The following SLC26A2 variants were observed in gnomAD, a reference collection of about 807,000 sequenced individuals.
The protein encoded by SLC26A2 is sulfate transporter.
A neutral mutation model predicts 41.1 loss-of-function variants in SLC26A2; 36 were observed. That is an observed-to-expected ratio of 0.88 (90% confidence interval 0.67 to 1.16). The LOEUF is 1.16. Ranked by LOEUF, SLC26A2 falls within the 50% of genes most tolerant of loss-of-function variation. The pLI is 0.00. For synonymous variants in SLC26A2, 291 were observed against 311.6 expected, an observed-to-expected ratio of 0.93 and a Z score of 0.70; for missense variants, 796 against 869.6, an observed-to-expected ratio of 0.92 and a Z score of 1.07.
chr5:149,977,505 A>G (rs761525414), intron 1 of SLC26A2, 123 bp from the exon 2 acceptor site: 5 of 686,882 alleles, frequency 7.3e-6, no homozygotes, highest in Non-Finnish European at 1.3e-5. Flanking sequence ...GAAAAGGGAC[A>G]TAAGATACCT....
rs1177895820 is a variant in SLC26A2, at chr5:149,980,487, T to C, written c.894T>C (p.His298=). Residue 298 remains histidine (H), a synonymous_variant, in exon 3 of 3, where the codon CAT becomes CAC. Transcript: ENST00000286298. ...TTWIHVFRNI[H]KTNLCDLITS... ...GGATACATGTCTTCAGAAACATCCA[T>C]AAGACCAATCTCTGTGATCTTATCA... The C allele has an allele frequency of 6.2e-7, 1 of 1,614,038 alleles. No individual in the cohort carries two copies. The highest frequency in any genetic ancestry group is 8.5e-7 in the Non-Finnish European group (1 of 1,180,014).
rs145065715 is a variant in SLC26A2 at position 149,972,184 on chromosome 5, T to C, written c.-25-5444T>C. On this transcript the variant is annotated intron_variant, in intron 1 of 2. Coordinates refer to ENST00000286298, the MANE Select transcript of SLC26A2 (RefSeq NM_000112.4). ...CTAAACAAACTATTCTTAAACTCTT[T>C]CATATTTCTCCCCTGCTTAGATGCC... is the stretch of plus-strand genomic sequence containing the variant. Among the ~76,000 whole-genome samples the C allele has an allele frequency of 1.4e-3, 218 of 152,358 alleles. 1 individual carries two copies. The highest frequency in any genetic ancestry group is 4.0e-3 in the African/African-American group (165 of 41,580).
intron 1 of SLC26A2, among the ~76,000 whole-genome samples, chr5:149,967,377 C>A (rs192123953): frequency 8.6e-4 from 131 of 152,262 alleles, no homozygotes; most frequent in African/African-American, 3.0e-3. Context: ...TCTCCTCATG[C>A]CCCTTTGTAA....
At chr5:149,968,445 C>A (rs1754843215) in intron 1 of SLC26A2, among the ~76,000 whole-genome samples, 2 of 152,076 alleles carry the variant, frequency 1.3e-5, no homozygotes, top group South Asian at 2.1e-4. Flanking sequence ...GAGTCTCGCT[C>A]TGTCACTCAG....
At position 149,986,800 on chromosome 5, in the gene SLC26A2, T is replaced by C. The variant is rs1183124822; in HGVS notation, c.*4987T>C. ...TTCAACTGAAGCTTTAATCAACTTA[T>C]TTTGGAGATGTTCTCTTCCCTTATC... On this transcript the variant is annotated 3_prime_UTR_variant, in exon 3 of 3. Coordinates refer to ENST00000286298, the MANE Select transcript of SLC26A2 (RefSeq NM_000112.4). 6.6e-6 allele frequency: 1 copy of C among 152,250 alleles called. No individual in the cohort carries two copies. The highest frequency in any genetic ancestry group is 2.4e-5 in the African/African-American group (1 of 41,468). The allele number at this position is 152,250 out of a possible 1,614,324, so 9.4% of individuals were successfully genotyped here.
rs745606637 is a variant in SLC26A2, at chr5:149,978,208, G to C, written c.556G>C (p.Asp186His). 6.2e-7 allele frequency: 1 copy of C among 1,613,990 alleles called. No homozygotes were observed. Residue 186 changes from aspartate (D) to histidine (H), a missense_variant, in exon 2 of 3, where the codon GAC (aspartate) becomes CAC (histidine). Asp to His is a moderately conservative substitution (Grantham distance 81). Coordinates refer to ENST00000286298, the MANE Select transcript of SLC26A2 (RefSeq NM_000112.4). ...VDRELQKAGY[D>H]NAHSAPSLGM... ...CCGAGAACTACAGAAAGCTGGCTAT[G>C]ACAATGCCCATAGTGCTCCTTCCTT...
chr5:149,981,827 T>G lies in SLC26A2; in HGVS notation c.*14T>G. Reference sequence around the variant, plus strand: ...AGTAGTGATTAATTGAGAAGGTAGATAGAAGAATGTCTAGCCAATAGGTTA... The same window carrying G: ...AGTAGTGATTAATTGAGAAGGTAGAGAGAAGAATGTCTAGCCAATAGGTTA... On this transcript the variant is annotated 3_prime_UTR_variant, in exon 3 of 3. Transcript: ENST00000286298. The G allele has an allele frequency of 2.5e-6, 4 of 1,583,356 alleles. No individual in the cohort carries two copies. The highest frequency in any genetic ancestry group is 3.5e-6 in the Non-Finnish European group (4 of 1,154,064).
rs1255823894 is a variant in SLC26A2, at chr5:149,980,440, G to A, written c.847G>A (p.Val283Met). 1 of 1,614,090 alleles carries A rather than the reference G, an allele frequency of 6.2e-7. No individual in the cohort carries two copies. The highest frequency in any genetic ancestry group is 8.5e-7 in the Non-Finnish European group (1 of 1,180,018). Residue 283 changes from valine to methionine, a missense_variant, in exon 3 of 3, where the codon GTG (valine) becomes ATG (methionine). Coordinates refer to ENST00000286298, the MANE Select transcript of SLC26A2 (RefSeq NM_000112.4). Reference protein sequence around the residue: ...LGLNLPRTNGVGSLITTWIHV... With the variant: ...LGLNLPRTNGMGSLITTWIHV... ...GCTCAACCTTCCTCGGACTAATGGT[G>A]TGGGCTCACTCATCACTACCTGGAT...
Position 149,987,325 on chromosome 5 carries a change from G to A in SLC26A2, c.*5512G>A, listed in dbSNP as rs1755216125. ...GCTTATGTTTTATGCTGTTTATTAT[G>A]TAAGATCCTGTATGTGTGTTGAGAT... On this transcript the variant is annotated 3_prime_UTR_variant, in exon 3 of 3. Coordinates refer to ENST00000286298, the MANE Select transcript of SLC26A2 (RefSeq NM_000112.4). 6.6e-6 allele frequency: 1 copy of A among 152,144 alleles called. No homozygotes were observed. Among genetic ancestry groups the A allele is most frequent in the South Asian group, 2.1e-4 (1 of 4,830 alleles). The allele number at this position is 152,144 out of a possible 1,614,324, so 9.4% of individuals were successfully genotyped here.
Position 149,977,924 on chromosome 5 carries a change from G to T in SLC26A2, c.272G>T (p.Gly91Val), listed in dbSNP as rs749607301. The T allele has an allele frequency of 3.1e-6, 5 of 1,614,188 alleles. No homozygotes were observed. The highest frequency in any genetic ancestry group is 2.5e-6 in the Non-Finnish European group (3 of 1,180,030). Residue 91 changes from glycine (G) to valine (V), a missense_variant, in exon 2 of 3, where the codon GGT (glycine) becomes GTT (valine). Coordinates refer to ENST00000286298, the MANE Select transcript of SLC26A2 (RefSeq NM_000112.4). ...SPAKAKNMIL[G>V]FLPVLQWLPK... ...GCCAAAGCCAAAAATATGATTTTAG[G>T]TTTCCTTCCTGTTTTGCAGTGGCTC...
At chr5:149,963,616 T>C (rs1754752483) in intron 1 of SLC26A2, among the ~76,000 whole-genome samples, 1 of 152,114 alleles carries the variant, frequency 6.6e-6, no homozygotes, top group African/African-American at 2.4e-5. Context: ...GGTTTCACCA[T>C]GTTGGCCAGG....
chr5:149,963,669 C>G (rs1250797117), intron 1 of SLC26A2, among the ~76,000 whole-genome samples: 1 of 151,768 alleles, frequency 6.6e-6, no homozygotes, highest in Non-Finnish European at 1.5e-5. Context: ...CCTGCCTTGG[C>G]CCCCCAAAGT....
intron 1 of SLC26A2, among the ~76,000 whole-genome samples, chr5:149,962,992 A>G (rs1370825429): frequency 5.9e-5 from 9 of 152,162 alleles, no homozygotes; most frequent in African/African-American, 2.2e-4. Context: ...TGGTGAGAAG[A>G]GCTATGGAGA....
At chr5:149,961,616 C>A (rs1489576952) in intron 1 of SLC26A2, among the ~76,000 whole-genome samples, 1 of 152,146 alleles carries the variant, frequency 6.6e-6, no homozygotes, top group Non-Finnish European at 1.5e-5. Flanking sequence ...TGGGCTCCTT[C>A]CTTGCACAGA....
At chr5:149,977,187 G>A (rs557324371) in intron 1 of SLC26A2, among the ~76,000 whole-genome samples, 2 of 152,310 alleles carry the variant, frequency 1.3e-5, no homozygotes, top group Admixed American at 6.5e-5. Context: ...TCAGGGACTG[G>A]TAGGCAGGCA....
Position 149,981,455 on chromosome 5 carries a change from T to C in SLC26A2, c.1862T>C (p.Ile621Thr), listed in dbSNP as rs747574186. The C allele has an allele frequency of 2.5e-6, 4 of 1,614,112 alleles. No homozygotes were observed. Among genetic ancestry groups the C allele is most frequent in the Non-Finnish European group, 3.4e-6 (4 of 1,179,986 alleles). ...VAWKKAAKRK[I>T]KEKVVTLGGI... ...TGGAAGAAGGCAGCAAAGAGAAAGA[T>C]CAAAGAAAAAGTAGTGACTCTTGGT... Residue 621 changes from isoleucine (I) to threonine (T), a missense_variant, in exon 3 of 3, where the codon ATC becomes ACC. Ile to Thr is a moderately conservative substitution (Grantham distance 89). Coordinates refer to ENST00000286298, the MANE Select transcript of SLC26A2 (RefSeq NM_000112.4).
At chr5:149,978,904 GAC>G (rs1440192275) in intron 2 of SLC26A2, among the ~76,000 whole-genome samples, 1 of 151,318 alleles carries the variant, frequency 6.6e-6, no homozygotes, top group Non-Finnish European at 1.5e-5. Flanking sequence ...TTTTTGTAGA[GAC>G]AGGGTTTTGC....
At chr5:149,961,698 C>T (rs1406510439) in intron 1 of SLC26A2, among the ~76,000 whole-genome samples, 2 of 152,080 alleles carry the variant, frequency 1.3e-5, no homozygotes, top group Non-Finnish European at 1.5e-5. Flanking sequence ...GTTAACCTGT[C>T]TTTTCTCCTT....
In SLC26A2 at chr5:149,978,207, T is replaced by C. The variant is rs774025987; in HGVS notation, c.555T>C (p.Tyr185=). 6.2e-7 allele frequency: 1 copy of C among 1,614,146 alleles called. No individual in the cohort carries two copies. Among genetic ancestry groups the C allele is most frequent in the East Asian group, 2.2e-5 (1 of 44,882 alleles). The change falls in exon 2 of 3, where the codon TAT becomes TAC. Residue 185 remains tyrosine, a synonymous_variant. Transcript: ENST00000286298. ...ACCGAGAACTACAGAAAGCTGGCTA[T>C]GACAATGCCCATAGTGCTCCTTCCT... ...TVDRELQKAG[Y]DNAHSAPSLG...
Sources: gnomAD v4.1 joint callset for allele counts (sites outside exome capture counted in the v4.1 genomes callset) on GRCh38, gnomAD v4.1.1 for gene constraint, MANE v1.5 for transcripts, NCBI Gene and HGNC (gene_info 2026-07-23, HGNC 2026-07-21) for gene names.